Variants in RFX6 observed in about 807,000 individuals in gnomAD.
The protein encoded by RFX6 is DNA-binding protein RFX6.
Under a neutral mutation model 110.8 loss-of-function variants are expected in RFX6, and 50 were observed. That is an observed-to-expected ratio of 0.45 (90% CI 0.36 to 0.57). The LOEUF (loss-of-function observed/expected upper bound fraction) is 0.57, where lower values mean the gene tolerates loss of function less well. Among genes scored for constraint, RFX6 ranks in the 20% least tolerant of loss-of-function variants. The pLI, the probability that RFX6 is intolerant of heterozygous loss-of-function variation, is 0.00. For missense variants in RFX6, 990 were observed against 1,127.0 expected (o/e 0.88, Z 1.74); for synonymous variants, 383 against 411.2 (o/e 0.93, Z 0.83).
At chr6:116,922,250 G>A in intron 13 of RFX6, 99 bp downstream of exon 13, 1 of 742,402 alleles carries the variant, frequency 1.3e-6, no homozygotes, top group South Asian at 1.4e-5. Flanking sequence ...GTGGAAGGCT[G>A]TGTGTGTAAA....
intron 17 of RFX6, 51 bp from the exon 18 acceptor site, chr6:116,928,708 A>G: frequency 1.5e-6 from 2 of 1,337,110 alleles, no homozygotes; most frequent in African/African-American, 1.4e-5. Context: ...TTCCTTCCTG[A>G]AAGTTCTTTG....
chr6:116,925,836 T>G (rs1775713590), intron 16 of RFX6, among the ~76,000 whole-genome samples, 177 bp downstream of exon 16: 1 of 152,218 alleles, frequency 6.6e-6, no homozygotes, highest in African/African-American at 2.4e-5. Context: ...GTAATAATAC[T>G]GTTATTAACA....
intron 4 of RFX6, among the ~76,000 whole-genome samples, chr6:116,885,285 GTGAGAGTTAAA>G (rs1774676815): frequency 6.6e-6 from 1 of 152,138 alleles, no homozygotes; most frequent in African/African-American, 2.4e-5. Context: ...TAGGATTGTT[GTGAGAGTTAAA>G]TGAGATAAAG....
At chr6:116,925,760 T>A in intron 16 of RFX6, 101 bp downstream of exon 16, 2 of 777,460 alleles carry the variant, frequency 2.6e-6, no homozygotes, top group African/African-American at 1.7e-5. Context: ...ATTCCAACAA[T>A]AAAAAAGGAT....
rs535780656 is a variant in RFX6, at chr6:116,902,798, C to T, written c.672+7591C>T. On this transcript the variant is annotated intron_variant, in intron 6 of 18. Coordinates refer to ENST00000332958, the MANE Select transcript of RFX6 (RefSeq NM_173560.4). ...TACCAAGATAAATATCAAATCCTCC[C>T]TCCTTGGTATATGCTTTTCAAATAT... Among the ~76,000 whole-genome samples, 13 of 152,168 alleles carry T rather than the reference C, an allele frequency of 8.5e-5. No individual in the cohort carries two copies. In the East Asian group the frequency reaches 2.3e-3, roughly 27 times the overall value.
chr6:116,910,142 T>C (rs1775319160), intron 6 of RFX6, among the ~76,000 whole-genome samples: 1 of 152,174 alleles, frequency 6.6e-6, no homozygotes, highest in Non-Finnish European at 1.5e-5. Context: ...ATTTCATTAT[T>C]TCCCCAAACT....
At chr6:116,899,797 C>T (rs1775026852) in intron 6 of RFX6, among the ~76,000 whole-genome samples, 2 of 152,220 alleles carry the variant, frequency 1.3e-5, no homozygotes, top group Admixed American at 6.5e-5. Context: ...CAGTTTAAGA[C>T]ATTTCATAGG....
At chr6:116,912,706 A>G (rs1775379236) in intron 7 of RFX6, among the ~76,000 whole-genome samples, 1 of 152,100 alleles carries the variant, frequency 6.6e-6, no homozygotes, top group African/African-American at 2.4e-5. Context: ...TGAGAGAGAG[A>G]GGGGGACCAA....
At chr6:116,927,672 T>G in intron 17 of RFX6, 133 bp downstream of exon 17, 1 of 770,598 alleles carries the variant, frequency 1.3e-6, no homozygotes, top group Non-Finnish European at 2.2e-6. Context: ...TCTTAGACAT[T>G]TGGAGCTGAT....
intron 3 of RFX6, among the ~76,000 whole-genome samples, 195 bp downstream of exon 3, chr6:116,880,862 A>G (rs563328137): frequency 2.9e-4 from 44 of 152,152 alleles, no homozygotes; most frequent in Non-Finnish European, 5.6e-4. Context: ...AACCCTAACT[A>G]TTAGAAGATC....
At chr6:116,929,064 G>C in intron 18 of RFX6, 93 bp downstream of exon 18, 1 of 830,462 alleles carries the variant, frequency 1.2e-6, no homozygotes. Flanking sequence ...GAGGTGAACT[G>C]AGCAAGCATG....
At chr6:116,916,173 C>A in intron 8 of RFX6, 28 bp from the exon 9 acceptor site, 1 of 1,579,792 alleles carries the variant, frequency 6.3e-7, no homozygotes, top group Non-Finnish European at 8.7e-7. Flanking sequence ...AGAAAAAAAT[C>A]TTAACATACT....
In RFX6 at chr6:116,923,202, C is replaced by T. The variant is rs1775639656; in HGVS notation, c.1533C>T (p.Thr511=). The T allele has an allele frequency of 1.9e-6, 3 of 1,549,506 alleles. No homozygotes were observed. Among genetic ancestry groups the T allele is most frequent in the South Asian group, 1.1e-5 (1 of 89,660 alleles). The change falls in exon 14 of 19, where the codon ACC becomes ACT. Residue 511 remains threonine (T), a synonymous_variant. Coordinates refer to ENST00000332958, the MANE Select transcript of RFX6 (RefSeq NM_173560.4). The part of the protein sequence containing the change: ...FFGARVMHNL[T]LNNASSFGSF... ...GTGCTCGAGTAATGCATAATCTCAC[C>T]TTGAACAATGCATCCAGTTTTGGTA...
At chr6:116,891,332 C>T (rs1267977952) in intron 4 of RFX6, among the ~76,000 whole-genome samples, 1 of 152,118 alleles carries the variant, frequency 6.6e-6, no homozygotes, top group Non-Finnish European at 1.5e-5. Flanking sequence ...GTAGTTTGTT[C>T]TCAATCTGCA....
rs1407641310 is a variant in RFX6, at chr6:116,931,344, A to G, written c.2625A>G (p.Gln875=). 6.2e-7 allele frequency: 1 copy of G among 1,612,732 alleles called. No homozygotes were observed. Among genetic ancestry groups the G allele is most frequent in the Non-Finnish European group, 8.5e-7 (1 of 1,178,896 alleles). Residue 875 remains glutamine (Q), a synonymous_variant, in exon 19 of 19, where the codon CAA becomes CAG. Transcript: ENST00000332958. ...CRTPVLASSL[Q]TPIPSSSSQC... is the part of the protein sequence containing the mutation. ...TTTCCCTTACAGCTTCCAGTTTGCA[A>G]ACCCCAATTCCTTCTTCCTCATCCC...
Position 116,928,970 on chromosome 6 carries a change from A to C in RFX6, c.2610A>C (p.Leu870=). Residue 870 remains leucine, a splice_region_variant and synonymous_variant, in exon 18 of 19, where the codon CTA becomes CTC. Coordinates refer to ENST00000332958, the MANE Select transcript of RFX6 (RefSeq NM_173560.4). ...SSPVACRTPV[L]ASSLQTPIPS... The stretch of plus-strand genomic sequence containing the variant: ...CAGTTGCATGTCGAACTCCAGTCCT[A>C]GGTAAATTATTTTAGCAGTTCTTGA... The C allele has an allele frequency of 6.3e-7, 1 of 1,592,046 alleles. No homozygotes were observed. Among genetic ancestry groups the C allele is most frequent in the Admixed American group, 1.7e-5 (1 of 60,000 alleles).
chr6:116,914,468 A>G (rs1028715021), intron 7 of RFX6, among the ~76,000 whole-genome samples: 6 of 152,160 alleles, frequency 3.9e-5, no homozygotes, highest in Non-Finnish European at 5.9e-5. Context: ...GACAACAGTT[A>G]TGACTTCCCT....
intron 6 of RFX6, among the ~76,000 whole-genome samples, chr6:116,902,404 GA>G (rs1451535137): frequency 6.6e-6 from 1 of 151,678 alleles, no homozygotes; most frequent in Non-Finnish European, 1.5e-5. Flanking sequence ...TAAAAAACAG[GA>G]AAAAGATGGT....
At chr6:116,887,765 C>T (rs1331097745) in intron 4 of RFX6, among the ~76,000 whole-genome samples, 4 of 152,164 alleles carry the variant, frequency 2.6e-5, no homozygotes, top group African/African-American at 9.7e-5. Flanking sequence ...TTTCGCTACT[C>T]ATCTTAATTA....
Sources: gnomAD v4.1 joint callset for allele counts (sites outside exome capture counted in the v4.1 genomes callset) on GRCh38, gnomAD v4.1.1 for gene constraint, MANE v1.5 for transcripts, NCBI Gene and HGNC (gene_info 2026-07-23, HGNC 2026-07-21) for gene names.